The following EFCAB5 variants were observed in gnomAD, a reference collection of about 807,000 sequenced individuals.
EFCAB5 encodes the protein EF-hand calcium binding domain 5.
In EFCAB5, 131 loss-of-function variants were observed where a neutral mutation model predicts 167.9. That is an observed-to-expected ratio of 0.78 (90% CI 0.68 to 0.90). The LOEUF (loss-of-function observed/expected upper bound fraction) is 0.90. Ranked by LOEUF, EFCAB5 falls within the 40% of genes least tolerant of loss-of-function variation. The pLI is 0.00. For synonymous variants in EFCAB5, 574 were observed against 602.8 expected (o/e 0.95, Z 0.70); for missense variants, 1,663 against 1,745.2 (o/e 0.95, Z 0.84).
chr17:30,009,910 C>T (rs1289556270), intron 7 of EFCAB5, among the ~76,000 whole-genome samples: 2 of 152,076 alleles, frequency 1.3e-5, no homozygotes, highest in Non-Finnish European at 2.9e-5. Flanking sequence ...TTGCTGCACC[C>T]ATTAACTCGT....
chr17:29,958,316 G>C (rs1249241855), intron 3 of EFCAB5, among the ~76,000 whole-genome samples: 2 of 152,028 alleles, frequency 1.3e-5, no homozygotes, highest in Non-Finnish European at 2.9e-5. Flanking sequence ...AGATACTGCA[G>C]TCATGCTTAG....
chr17:29,950,484 G>T (rs1431655986), intron 3 of EFCAB5: 3 of 152,418 alleles, frequency 2.0e-5, no homozygotes, highest in African/African-American at 7.2e-5. Flanking sequence ...GGATCCTCCT[G>T]CCTCAGCCTC....
intron 4 of EFCAB5, among the ~76,000 whole-genome samples, chr17:29,974,949 G>A (rs2068034470): frequency 6.6e-6 from 1 of 152,002 alleles, no homozygotes; most frequent in Admixed American, 6.6e-5. Flanking sequence ...CCAGCACTTT[G>A]AGAAGGTGAG....
chr17:30,082,798 T>C, intron 17 of EFCAB5, 93 bp from the exon 18 acceptor site: 1 of 1,291,158 alleles, frequency 7.7e-7, no homozygotes, highest in Non-Finnish European at 1.0e-6. Flanking sequence ...CATGAAGTAA[T>C]TAAATTACTG....
At position 29,929,977 on chromosome 17, in the gene EFCAB5, C is replaced by T. The variant is rs777816061; in HGVS notation, c.-127+648C>T. ...TGGAGGTGGTGCTGGGGGTAGGTGA[C>T]CGCTGGACCGTGACCAAAGCCATCT... is the stretch of plus-strand genomic sequence containing the variant. On this transcript the variant is annotated intron_variant, in intron 1 of 3. Coordinates refer to the EFCAB5 transcript ENST00000448319. 2.7e-5 allele frequency: 44 copies of T among 1,603,662 alleles called. No homozygotes were observed. In the South Asian group the frequency reaches 4.7e-4, roughly 17 times the overall value.
intron 5 of EFCAB5, 90 bp from the exon 6 acceptor site, chr17:29,996,222 T>C (rs2068540334): frequency 9.3e-7 from 1 of 1,078,496 alleles, no homozygotes; most frequent in South Asian, 1.5e-5. Flanking sequence ...ACAGAAAGAC[T>C]ATAGATGGCT....
In EFCAB5 at chr17:29,969,080, G is replaced by A. The variant is rs757593675; in HGVS notation, c.480G>A (p.Trp160Ter). 2 of 1,613,370 alleles carry A rather than the reference G, an allele frequency of 1.2e-6. No homozygotes were observed. The highest frequency in any genetic ancestry group is 1.7e-5 in the Admixed American group (1 of 59,932). ...KLPRDNLAKE[W>*]FNTDSMTLNN... is the part of the protein sequence containing the mutation. Reference sequence around the variant, plus strand: ...CTAGGGATAATTTGGCCAAAGAGTGGTTTAATACTGACAGCATGACACTGA... The same window carrying A: ...CTAGGGATAATTTGGCCAAAGAGTGATTTAATACTGACAGCATGACACTGA... Residue 160 changes from tryptophan (W) to a stop codon, truncating the protein, a stop_gained, in exon 4 of 23, where the codon TGG becomes TGA. Coordinates refer to ENST00000394835, the MANE Select transcript of EFCAB5 (RefSeq NM_198529.4). LOFTEE classifies it high-confidence loss of function.
At chr17:30,096,120 A>C (rs1385567154) in intron 22 of EFCAB5, among the ~76,000 whole-genome samples, 4 of 152,186 alleles carry the variant, frequency 2.6e-5, no homozygotes, top group Non-Finnish European at 5.9e-5. Flanking sequence ...GAAGGGTATA[A>C]CACTCTGTTC....
chr17:29,980,162 T>G (rs1474839291), intron 4 of EFCAB5, among the ~76,000 whole-genome samples: 1 of 152,128 alleles, frequency 6.6e-6, no homozygotes, highest in Non-Finnish European at 1.5e-5. Flanking sequence ...ACAGTGAAAC[T>G]CCGTCTCAAA....
In EFCAB5 at chr17:30,107,972, C is replaced by T. The variant is rs762610639; in HGVS notation, c.4460C>T (p.Thr1487Ile). Reference sequence around the variant, plus strand: ...ATTACACCTCCGTTGCCCTCCAAGACTGACAATTATATGTATGCAAAAATG... The same window carrying T: ...ATTACACCTCCGTTGCCCTCCAAGATTGACAATTATATGTATGCAAAAATG... ...SGITPPLPSKTDNYMYAKMPG... is the reference protein window; with the variant it reads ...SGITPPLPSKIDNYMYAKMPG... Residue 1487 changes from threonine to isoleucine, a missense_variant, in exon 23 of 23, where the codon ACT becomes ATT. Transcript: ENST00000394835. 4 of 1,608,796 alleles carry T rather than the reference C, an allele frequency of 2.5e-6. No individual in the cohort carries two copies. The South Asian group carries it at 3.3e-5, about 13-fold the overall frequency.
At chr17:30,101,188 G>A (rs1269297637) in intron 22 of EFCAB5, among the ~76,000 whole-genome samples, 5 of 152,182 alleles carry the variant, frequency 3.3e-5, no homozygotes, top group South Asian at 2.1e-4. Flanking sequence ...GCAGAGGAAC[G>A]ATATGACCTA....
chr17:29,934,784 G>C (rs947737811), intron 1 of EFCAB5, among the ~76,000 whole-genome samples: 1 of 152,120 alleles, frequency 6.6e-6, no homozygotes, highest in Non-Finnish European at 1.5e-5. Flanking sequence ...ACTAGGGTGG[G>C]TATTCACACC....
intron 3 of EFCAB5, chr17:29,968,266 C>G (rs1288025931): frequency 3.2e-5 from 14 of 433,370 alleles, no homozygotes; most frequent in Non-Finnish European, 6.4e-5. Flanking sequence ...ACCCTGGCAC[C>G]AAGAAATAAG....
intron 14 of EFCAB5, among the ~76,000 whole-genome samples, chr17:30,063,841 C>T (rs1313896473): frequency 2.0e-5 from 3 of 152,168 alleles, no homozygotes; most frequent in Non-Finnish European, 1.5e-5. Context: ...ATAACATATG[C>T]CGCTGCTGCT....
At chr17:29,960,767 A>T (rs558644654) in intron 3 of EFCAB5, among the ~76,000 whole-genome samples, 18 of 152,122 alleles carry the variant, frequency 1.2e-4, no homozygotes, top group African/African-American at 4.1e-4. Context: ...CCTGCTTTCA[A>T]TTTTTTTGGA....
chr17:30,055,382 A>AAGGT (rs2070230171), intron 10 of EFCAB5, among the ~76,000 whole-genome samples: 1 of 143,286 alleles, frequency 7.0e-6, no homozygotes, highest in African/African-American at 2.6e-5. Flanking sequence ...GGAAGGAAGG[A>AAGGT]AGGTTCGTTC....
At chr17:30,036,190 T>A (rs995718744) in intron 8 of EFCAB5, among the ~76,000 whole-genome samples, 1 of 142,490 alleles carries the variant, frequency 7.0e-6, no homozygotes, top group Non-Finnish European at 1.5e-5. Context: ...TATGTATAAA[T>A]ATATCTTATA....
At chr17:30,070,127 G>A (rs1220676061) in intron 14 of EFCAB5, among the ~76,000 whole-genome samples, 1 of 152,018 alleles carries the variant, frequency 6.6e-6, no homozygotes, top group Non-Finnish European at 1.5e-5. Context: ...TTTCCTTGTG[G>A]CTTCTTGTCT....
At position 30,057,671 on chromosome 17, in the gene EFCAB5, G is replaced by C. The variant is rs2070309509; in HGVS notation, c.2366-5G>C. The stretch of plus-strand genomic sequence containing the variant: ...TACTGCTTGGTAATGTTTCTTGCTT[G>C]ACAGATTTACACTCAATTATCAGAA... On this transcript the variant is annotated splice_polypyrimidine_tract_variant and splice_region_variant and intron_variant, in intron 12 of 22. Coordinates refer to ENST00000394835, the MANE Select transcript of EFCAB5 (RefSeq NM_198529.4). 3 of 1,607,752 alleles carry C rather than the reference G, an allele frequency of 1.9e-6. No homozygotes were observed. The highest frequency in any genetic ancestry group is 2.6e-6 in the Non-Finnish European group (3 of 1,175,264).
Sources: allele counts gnomAD v4.1 joint callset (sites outside exome capture counted in the v4.1 genomes callset), GRCh38; gene constraint gnomAD v4.1.1; transcripts MANE v1.5; gene names NCBI Gene and HGNC (gene_info 2026-07-23, HGNC 2026-07-21).